RSF1: variants seen among roughly 807,000 people sequenced by gnomAD.
RSF1 encodes HBV pX-associated protein 8.
Under a neutral mutation model 145.2 loss-of-function variants are expected in RSF1, and 13 were observed. The ratio of observed to expected loss-of-function variants is 0.09; its 90% CI spans 0.06 to 0.14. The LOEUF is 0.14. Among genes scored for constraint, RSF1 ranks in the 10% least tolerant of loss-of-function variants. The pLI is 1.00. For missense variants in RSF1, 1,517 were observed against 1,718.2 expected (o/e 0.88, Z 2.07); for synonymous variants, 577 against 592.6 (o/e 0.97, Z 0.38).
chr11:77,867,613 G>A, the RSF1 span, among the ~76,000 whole-genome samples: 3 of 152,252 alleles, frequency 2.0e-5, no homozygotes, highest in African/African-American at 4.8e-5. Context: ...GGAAAGGAAT[G>A]CTTTGTCTTT....
At chr11:77,783,133 A>C (rs540457129) in intron 1 of RSF1, among the ~76,000 whole-genome samples, 1 of 152,188 alleles carries the variant, frequency 6.6e-6, no homozygotes, top group Non-Finnish European at 1.5e-5. Flanking sequence ...TCTACTATTA[A>C]ATAATATTCT....
intron 2 of RSF1, among the ~76,000 whole-genome samples, chr11:77,750,213 T>C (rs1948047209): frequency 1.3e-5 from 2 of 152,240 alleles, no homozygotes; most frequent in South Asian, 4.2e-4. Flanking sequence ...CAAAAAGACA[T>C]CTAAATAATT....
chr11:77,823,491 G>A (rs1027938968), upstream of RSF1, among the ~76,000 whole-genome samples: 1 of 151,572 alleles, frequency 6.6e-6, no homozygotes, highest in African/African-American at 2.4e-5. Context: ...AGCACTCTGG[G>A]AGGCCGAGCA....
chr11:77,781,491 G>T (rs1307776381), intron 1 of RSF1, among the ~76,000 whole-genome samples: 1 of 152,220 alleles, frequency 6.6e-6, no homozygotes, highest in Non-Finnish European at 1.5e-5. Flanking sequence ...TGAGTAGACA[G>T]CAGTGGAGCT....
upstream of RSF1, chr11:77,820,787 A>AGG: frequency 6.9e-7 from 1 of 1,446,880 alleles, no homozygotes; most frequent in Admixed American, 2.3e-5. Context: ...TGGCAAGGCA[A>AGG]CCTTACAGAC....
intron 9 of RSF1, among the ~76,000 whole-genome samples, chr11:77,686,016 A>G (rs1959994484): frequency 6.6e-6 from 1 of 152,206 alleles, no homozygotes. Flanking sequence ...AGAAGGCCAC[A>G]GCTGAAGATA....
At chr11:77,785,121 T>C (rs915674064) in intron 1 of RSF1, among the ~76,000 whole-genome samples, 2 of 152,200 alleles carry the variant, frequency 1.3e-5, no homozygotes, top group Non-Finnish European at 2.9e-5. Context: ...GGTAGTGGTA[T>C]AGGGCTCACT....
At chr11:77,759,535 T>C (rs1257075302) in intron 2 of RSF1, among the ~76,000 whole-genome samples, 1 of 151,970 alleles carries the variant, frequency 6.6e-6, no homozygotes, top group Non-Finnish European at 1.5e-5. Flanking sequence ...AATACAAAAA[T>C]TAGCCAGGCA....
chr11:77,702,895 C>A (rs926659266), intron 5 of RSF1: 2 of 153,358 alleles, frequency 1.3e-5, no homozygotes, highest in African/African-American at 2.4e-5. Context: ...AAGAACTGAG[C>A]ACTTCATTTC....
the RSF1 span, among the ~76,000 whole-genome samples, chr11:77,852,870 G>A: frequency 6.6e-6 from 1 of 152,008 alleles, no homozygotes; most frequent in Non-Finnish European, 1.5e-5. Flanking sequence ...ATAGAGATAT[G>A]TCTTTTTCTT....
In RSF1 at chr11:77,681,726, T is replaced by C. The variant is rs1959866506; in HGVS notation, c.3065+1984A>G. ...ACTTCACTATGTGTTATAATAAAACTATAGCCTTTTGCATCTGATGTTATA... is the reference window on the plus strand; with the variant it reads ...ACTTCACTATGTGTTATAATAAAACCATAGCCTTTTGCATCTGATGTTATA... On this transcript the variant is annotated intron_variant, in intron 11 of 15. Transcript: ENST00000308488. Among the ~76,000 whole-genome samples, 2 of 152,338 alleles carry C rather than the reference T, an allele frequency of 1.3e-5. 1 individual carries two copies. The highest frequency in any genetic ancestry group is 6.8e-3 in the Middle Eastern group (2 of 294).
chr11:77,707,470 G>GC (rs1960577633), intron 5 of RSF1, among the ~76,000 whole-genome samples: 1 of 152,148 alleles, frequency 6.6e-6, no homozygotes, highest in African/African-American at 2.4e-5. Context: ...ATTAATAAAT[G>GC]CATTTACTTA....
the RSF1 span, among the ~76,000 whole-genome samples, chr11:77,871,746 T>C: frequency 1.4e-4 from 21 of 152,224 alleles, no homozygotes; most frequent in Non-Finnish European, 2.9e-4. Flanking sequence ...CTCAAACATT[T>C]AACATTTATG....
chr11:77,719,106 G>A (rs1960886334), intron 5 of RSF1, among the ~76,000 whole-genome samples: 1 of 152,018 alleles, frequency 6.6e-6, no homozygotes, highest in Non-Finnish European at 1.5e-5. Context: ...AAGTAGCCAG[G>A]CATGGTAGCA....
At chr11:77,704,925 A>G (rs1262830533) in intron 5 of RSF1, among the ~76,000 whole-genome samples, 2 of 151,846 alleles carry the variant, frequency 1.3e-5, no homozygotes, top group Non-Finnish European at 2.9e-5. Context: ...CTAATTTTGT[A>G]TATTTAGTAG....
At chr11:77,779,540 G>A (rs527884863) in intron 1 of RSF1, among the ~76,000 whole-genome samples, 20 of 151,908 alleles carry the variant, frequency 1.3e-4, no homozygotes, top group Non-Finnish European at 2.1e-4. Flanking sequence ...GCGCCACCAC[G>A]CCTGGCTAAT....
At chr11:77,809,480 A>G (rs570933143) in intron 1 of RSF1, among the ~76,000 whole-genome samples, 120 of 152,352 alleles carry the variant, frequency 7.9e-4, no homozygotes, top group African/African-American at 2.7e-3. Flanking sequence ...AGTGAGATAT[A>G]GTTATCATGG....
At position 77,676,356 on chromosome 11, in the gene RSF1, C is replaced by T. The variant is rs151013788; in HGVS notation, c.3341+436G>A. On this transcript the variant is annotated intron_variant, in intron 13 of 15. Coordinates refer to ENST00000308488, the MANE Select transcript of RSF1 (RefSeq NM_016578.4). ...AAGGAGAAACTCTGCAGTATTGTTT[C>T]AATTCCAACTCTGCAAAGAAGCCTT... is the stretch of plus-strand genomic sequence containing the variant. Among the ~76,000 whole-genome samples the T allele has an allele frequency of 2.8e-3, 426 of 151,162 alleles. 5 individuals are homozygous for T. The highest frequency in any genetic ancestry group is 3.8e-3 in the Admixed American group (58 of 15,160).
chr11:77,662,605 G>C lies in RSF1; in HGVS notation c.*4312C>G, dbSNP rs1235738476. On this transcript the variant is annotated 3_prime_UTR_variant, in exon 16 of 16. Transcript: ENST00000308488. ...AAATTAGTGAACATATAGCAACTCA[G>C]TTTAAATACATTGATAGCAAAAGGC... 6.6e-6 allele frequency: 1 copy of C among 152,082 alleles called. No individual in the cohort carries two copies. The highest frequency in any genetic ancestry group is 1.5e-5 in the Non-Finnish European group (1 of 68,010). The allele number at this position is 152,082 out of a possible 1,614,324, so 9.4% of individuals were successfully genotyped here.
Sources: allele counts gnomAD v4.1 joint callset (sites outside exome capture counted in the v4.1 genomes callset), GRCh38; gene constraint gnomAD v4.1.1; transcripts MANE v1.5; gene names NCBI Gene and HGNC (gene_info 2026-07-23, HGNC 2026-07-21).